Variants in APLF observed in about 807,000 individuals in gnomAD.
The protein encoded by APLF is aprataxin and PNKP like factor.
A neutral mutation model predicts 55.6 loss-of-function variants in APLF; 61 were observed. The ratio of observed to expected loss-of-function variants is 1.10; its 90% CI spans 0.89 to 1.36. The LOEUF is 1.36. Ranked by LOEUF, APLF falls within the 40% of genes most tolerant of loss-of-function variation. The pLI is 0.00. For synonymous variants in APLF, 207 were observed against 214.8 expected, an observed-to-expected ratio of 0.96 and a Z score of 0.32; for missense variants, 611 against 602.5, an observed-to-expected ratio of 1.01 and a Z score of -0.15.
intron 4 of APLF, 36 bp from the exon 5 acceptor site, chr2:68,513,512 G>A (rs749383783): frequency 6.2e-7 from 1 of 1,601,712 alleles, no homozygotes. Flanking sequence ...TTCAAGATGT[G>A]TGATTATTTT....
intron 9 of APLF, among the ~76,000 whole-genome samples, chr2:68,571,437 T>G (rs1671461828): frequency 1.3e-5 from 2 of 152,150 alleles, no homozygotes; most frequent in African/African-American, 4.8e-5. Context: ...GGTCTAACAT[T>G]TAAGTCTTTA....
intron 2 of APLF, among the ~76,000 whole-genome samples, chr2:68,498,465 C>T (rs1406239390): frequency 6.6e-6 from 1 of 152,172 alleles, no homozygotes; most frequent in Admixed American, 6.5e-5. Context: ...GCAATTAGGG[C>T]AATTACTAAT....
chr2:68,518,251 T>C (rs1299038080), intron 5 of APLF, among the ~76,000 whole-genome samples: 2 of 118,872 alleles, frequency 1.7e-5, no homozygotes, highest in Non-Finnish European at 3.2e-5. Flanking sequence ...ATAATGTTAA[T>C]ATATTATGAA....
In APLF at chr2:68,490,242, G is replaced by T. The variant is rs1207750844; in HGVS notation, c.149G>T (p.Gly50Val). The change falls in exon 2 of 10, where the codon GGT becomes GTT. Residue 50 changes from glycine to valine, a missense_variant. By Grantham distance (109) the Gly-to-Val change is moderately radical (BLOSUM62 -3). Coordinates refer to ENST00000303795, the MANE Select transcript of APLF (RefSeq NM_173545.3). ...CATGCCATTCTTGAGGTGGCAGGTG[G>T]TCAGCTGCGAATCAAACCGGTAAAT... ...RRHAILEVAG[G>V]QLRIKPIHTN... 6.2e-7 allele frequency: 1 copy of T among 1,612,170 alleles called. No homozygotes were observed. Among genetic ancestry groups the T allele is most frequent in the African/African-American group, 1.3e-5 (1 of 74,780 alleles).
At chr2:68,485,289 G>A (rs529881497) in intron 1 of APLF, among the ~76,000 whole-genome samples, 6 of 152,154 alleles carry the variant, frequency 3.9e-5, no homozygotes, top group African/African-American at 1.4e-4. Flanking sequence ...CAGTGCTTCT[G>A]TGAGTCCAGG....
At chr2:68,495,566 T>A (rs1676520261) in intron 2 of APLF, among the ~76,000 whole-genome samples, 1 of 152,184 alleles carries the variant, frequency 6.6e-6, no homozygotes, top group South Asian at 2.1e-4. Context: ...AGATATACTA[T>A]GTTTGGGTCT....
intron 2 of APLF, among the ~76,000 whole-genome samples, chr2:68,493,769 GCC>G (rs1208950325): frequency 2.0e-5 from 3 of 152,172 alleles, no homozygotes; most frequent in African/African-American, 7.2e-5. Flanking sequence ...TTCAAGACCA[GCC>G]TGGCCAACAT....
intron 2 of APLF, 61 bp downstream of exon 2, chr2:68,490,322 A>G: frequency 7.1e-7 from 1 of 1,403,814 alleles, no homozygotes. Context: ...GTTCCCAAGC[A>G]GAGGTGCCTA....
chr2:68,577,907 A>ATCATCTATG lies in APLF; in HGVS notation c.1421_1422insTCATCTATG (p.Glu474delinsAspHisLeuTer). 1 of 1,613,686 alleles carries ATCATCTATG rather than the reference A, an allele frequency of 6.2e-7. No individual in the cohort carries two copies. Among genetic ancestry groups the ATCATCTATG allele is most frequent in the East Asian group, 2.2e-5 (1 of 44,832 alleles). On this transcript the variant is annotated stop_gained and protein_altering_variant, in exon 10 of 10. Transcript: ENST00000303795. LOFTEE classifies it high-confidence loss of function. ...GACAGCTTTCTAGATGATGAGGAAG[A>ATCATCTATG]AGACTATGAGCCAACAGATGAAGAT...
intron 1 of APLF, among the ~76,000 whole-genome samples, chr2:68,479,183 C>G (rs1221342544): frequency 1.3e-5 from 2 of 152,098 alleles, no homozygotes; most frequent in East Asian, 1.9e-4. Context: ...ACACAGTACT[C>G]TATGGAAAAG....
chr2:68,561,315 A>G (rs1171688467), intron 8 of APLF, among the ~76,000 whole-genome samples: 1 of 152,134 alleles, frequency 6.6e-6, no homozygotes, highest in Non-Finnish European at 1.5e-5. Context: ...TAACTTGTAC[A>G]ACCAATAAAC....
intron 5 of APLF, among the ~76,000 whole-genome samples, chr2:68,524,731 A>G (rs1294072449): frequency 6.6e-6 from 1 of 152,210 alleles, no homozygotes; most frequent in Non-Finnish European, 1.5e-5. Flanking sequence ...AGTCAGAAAT[A>G]TTTATTGAGC....
intron 8 of APLF, among the ~76,000 whole-genome samples, chr2:68,558,699 C>T (rs1014510218): frequency 5.9e-5 from 9 of 152,046 alleles, no homozygotes; most frequent in Non-Finnish European, 1.2e-4. Context: ...CATAGGTAAA[C>T]ATTTGCCATG....
chr2:68,502,929 AGAAT>A (rs1676766368), intron 3 of APLF, 26 bp downstream of exon 3: 2 of 1,581,414 alleles, frequency 1.3e-6, no homozygotes, highest in Non-Finnish European at 1.7e-6. Context: ...AATGAGAGTA[AGAAT>A]GTTATTTTTA....
intron 3 of APLF, among the ~76,000 whole-genome samples, chr2:68,512,368 C>T (rs947458788): frequency 6.6e-6 from 1 of 151,796 alleles, no homozygotes; most frequent in Admixed American, 6.6e-5. Flanking sequence ...TTCTTGCACA[C>T]ATCAGTAGTT....
chr2:68,529,421 C>G lies in APLF; in HGVS notation c.804+3179C>G. 6 of 1,228,612 alleles carry G rather than the reference C, an allele frequency of 4.9e-6. No homozygotes were observed. The highest frequency in any genetic ancestry group is 6.1e-6 in the Non-Finnish European group (6 of 982,904). The allele number at this position is 1,228,612 out of a possible 1,614,324, so 76.1% of individuals were successfully genotyped here. On this transcript the variant is annotated intron_variant, in intron 6 of 9. Transcript: ENST00000303795. The surrounding 1 kb of genome is among the most constrained non-coding windows in gnomAD (Gnocchi z 4.4). ...AGGTTGCCGATGGCATGGCCAGGAC[C>G]TGCGGCGGAACCAGGAACAAAATAC... is the stretch of plus-strand genomic sequence containing the variant.
chr2:68,565,955 A>T (rs978580574), intron 8 of APLF, among the ~76,000 whole-genome samples: 1 of 152,084 alleles, frequency 6.6e-6, no homozygotes, highest in African/African-American at 2.4e-5. Flanking sequence ...GGTGAACTTC[A>T]TCTCCTTAGG....
intron 9 of APLF, chr2:68,568,266 A>G (rs1671360877): frequency 2.0e-6 from 2 of 985,338 alleles, no homozygotes; most frequent in Non-Finnish European, 2.4e-6. Context: ...ATTTCTGCTC[A>G]CAGAATGAGA....
chr2:68,489,274 A>G (rs902507358), intron 1 of APLF, among the ~76,000 whole-genome samples: 17 of 152,162 alleles, frequency 1.1e-4, no homozygotes, highest in African/African-American at 4.1e-4. Flanking sequence ...GGTATGGTCT[A>G]TTTTTTACTG....
Sources: allele counts gnomAD v4.1 joint callset (sites outside exome capture counted in the v4.1 genomes callset), GRCh38; gene constraint gnomAD v4.1.1; non-coding constraint Gnocchi (gnomAD v3.1); transcripts MANE v1.5; gene names NCBI Gene and HGNC (gene_info 2026-07-23, HGNC 2026-07-21).